XDH: variants seen among roughly 807,000 people sequenced by gnomAD.
XDH encodes xanthine dehydrogenase/oxidase.
A neutral mutation model predicts 156.1 loss-of-function variants in XDH; 138 were observed. The observed-to-expected ratio is 0.88, with a 90% CI of 0.77 to 1.02. XDH has a LOEUF of 1.02. XDH is among the 50% of genes least tolerant of loss of function. The probability of loss-of-function intolerance (pLI) is 0.00; values close to 1 mark genes in which losing one functional copy is unlikely to be tolerated. For synonymous variants in XDH, 669 were observed against 625.7 expected, an observed-to-expected ratio of 1.07 and a Z score of -1.03; for missense variants, 1,849 against 1,684.9, an observed-to-expected ratio of 1.10 and a Z score of -1.71.
intron 18 of XDH, among the ~76,000 whole-genome samples, chr2:31,369,154 C>T (rs913413114): frequency 1.3e-5 from 2 of 152,046 alleles, no homozygotes; most frequent in Non-Finnish European, 2.9e-5. Context: ...CAGATTTATA[C>T]CAAAAGCTTC....
chr2:31,347,494 G>A, intron 29 of XDH, 28 bp downstream of exon 29: 5 of 1,612,842 alleles, frequency 3.1e-6, no homozygotes, highest in Non-Finnish European at 3.4e-6. Context: ...CTGGCCCTCT[G>A]CTCTGCGGGA....
chr2:31,350,467 C>T (rs1264491348), intron 24 of XDH, among the ~76,000 whole-genome samples: 2 of 150,028 alleles, frequency 1.3e-5, no homozygotes, highest in Non-Finnish European at 2.9e-5. Flanking sequence ...AACTCCTACT[C>T]CCTGGTTCAA....
intron 6 of XDH, among the ~76,000 whole-genome samples, chr2:31,394,537 G>C (rs1414716507): frequency 6.6e-6 from 1 of 152,082 alleles, no homozygotes; most frequent in African/African-American, 2.4e-5. Flanking sequence ...ATCCTGGTTT[G>C]TGTTCTCTGA....
intron 6 of XDH, among the ~76,000 whole-genome samples, chr2:31,394,367 T>C (rs1686848308): frequency 6.6e-6 from 1 of 152,196 alleles, no homozygotes; most frequent in African/African-American, 2.4e-5. Flanking sequence ...TTGCATGGTT[T>C]CTGGGAAAAG....
rs200792862 is a variant in XDH at position 31,401,258 on chromosome 2, C to T, written c.268G>A (p.Gly90Arg). 1 of 1,614,180 alleles carries T rather than the reference C, an allele frequency of 6.2e-7. No individual in the cohort carries two copies. The change falls in exon 4 of 36, where the codon GGA becomes AGA. Residue 90 changes from glycine (G) to arginine (R), a missense_variant. Coordinates refer to ENST00000379416, the MANE Select transcript of XDH (RefSeq NM_000379.4). ...LHHVAVTTVE[G>R]IGSTKTRLHP... Reference sequence around the variant, plus strand: ...AGCCTCGTCTTGGTGCTTCCTATTCCTTCCACAGTTGTCACTGCAACATGG... The same window carrying T: ...AGCCTCGTCTTGGTGCTTCCTATTCTTTCCACAGTTGTCACTGCAACATGG...
chr2:31,365,352 G>A (rs11899710), intron 23 of XDH, 105 bp downstream of exon 23: 14,608 of 1,215,636 alleles, frequency 0.012, 170 homozygotes, highest in Middle Eastern at 0.039. Context: ...AACTTCTACA[G>A]ATAGGCAAAA....
chr2:31,366,176 A>G, intron 21 of XDH, 67 bp from the exon 22 acceptor site: 1 of 1,613,608 alleles, frequency 6.2e-7, no homozygotes. Flanking sequence ...CCTAAGGCAG[A>G]GCCTGTCCAA....
chr2:31,348,491 A>G (rs1685364360), intron 27 of XDH, 128 bp from the exon 28 acceptor site: 7 of 817,094 alleles, frequency 8.6e-6, no homozygotes, highest in Admixed American at 2.0e-5. Context: ...TCAGACAAAA[A>G]TTATGGCAGT....
At chr2:31,388,164 T>C in intron 7 of XDH, 63 bp downstream of exon 7, 3 of 1,574,656 alleles carry the variant, frequency 1.9e-6, no homozygotes, top group Middle Eastern at 1.7e-4. Flanking sequence ...ATGGAGCTCG[T>C]GCACTGACTC....
Position 31,413,710 on chromosome 2 carries a change from G to T in XDH, c.42+915C>A, listed in dbSNP as rs115366719. ...TTGCCCTTCTTTGGGGGACACTTTG[G>T]GCACATTCATCACGCACAGTCCACA... On this transcript the variant is annotated intron_variant, in intron 1 of 35. Transcript: ENST00000379416. Among the ~76,000 whole-genome samples the T allele has an allele frequency of 6.9e-3, 1,055 of 152,206 alleles. 11 individuals carry two copies. Among genetic ancestry groups the T allele is most frequent in the African/African-American group, 0.024 (1,016 of 41,512 alleles).
chr2:31,349,966 A>G (rs1186614655), intron 25 of XDH, 66 bp downstream of exon 25: 2 of 1,611,918 alleles, frequency 1.2e-6, no homozygotes, highest in Non-Finnish European at 1.7e-6. Flanking sequence ...TGCCCAAGAT[A>G]CAAAGCCGCT....
intron 10 of XDH, 42 bp downstream of exon 10, chr2:31,383,713 C>G: frequency 1.3e-6 from 2 of 1,588,806 alleles, no homozygotes; most frequent in Non-Finnish European, 1.7e-6. Context: ...CTATCCCCAG[C>G]CTCACAGCCC....
At chr2:31,364,099 G>A in intron 24 of XDH, 59 bp downstream of exon 24, 2 of 1,565,192 alleles carry the variant, frequency 1.3e-6, no homozygotes, top group Non-Finnish European at 8.8e-7. Flanking sequence ...TGCCTGCGTG[G>A]GAACAGGCTG....
rs761118606 is a variant in XDH, at chr2:31,347,521, C to A, written c.3276+1G>T. On this transcript the variant is annotated splice_donor_variant, in intron 29 of 35. Coordinates refer to ENST00000379416, the MANE Select transcript of XDH (RefSeq NM_000379.4). LOFTEE classifies it high-confidence loss of function. Reference sequence around the variant, plus strand: ...TCTGCGGGATCCCATGGGCTCCTTACATAGACGGCCTGTCCATTGAGGTCA... The same window carrying A: ...TCTGCGGGATCCCATGGGCTCCTTAAATAGACGGCCTGTCCATTGAGGTCA... The A allele has an allele frequency of 6.2e-7, 1 of 1,613,668 alleles. No individual in the cohort carries two copies. Among genetic ancestry groups the A allele is most frequent in the Admixed American group, 1.7e-5 (1 of 59,998 alleles).
At chr2:31,412,020 A>T (rs144733927) in intron 1 of XDH, among the ~76,000 whole-genome samples, 3 of 152,136 alleles carry the variant, frequency 2.0e-5, no homozygotes, top group African/African-American at 7.2e-5. Flanking sequence ...GCTGACACTC[A>T]CTTCTTGTGG....
chr2:31,407,912 C>T (rs940281819), intron 1 of XDH, among the ~76,000 whole-genome samples: 25 of 152,132 alleles, frequency 1.6e-4, no homozygotes, highest in African/African-American at 5.8e-4. Context: ...TAGAAGTAAT[C>T]ATAAATGCAC....
At chr2:31,395,131 G>C (rs1024471026) in intron 6 of XDH, among the ~76,000 whole-genome samples, 1 of 151,456 alleles carries the variant, frequency 6.6e-6, no homozygotes, top group Admixed American at 6.6e-5. Context: ...TGGCTGAAAA[G>C]ACCTCATATA....
chr2:31,409,181 AG>A (rs770237950), intron 1 of XDH, among the ~76,000 whole-genome samples: 20 of 152,184 alleles, frequency 1.3e-4, no homozygotes, highest in Non-Finnish European at 2.4e-4. Context: ...GATGGCTAAT[AG>A]GTACAAAAAA....
At chr2:31,386,390 C>T in intron 9 of XDH, 24 bp downstream of exon 9, 1 of 1,610,332 alleles carries the variant, frequency 6.2e-7, no homozygotes, top group Admixed American at 1.7e-5. Flanking sequence ...CTGGCAGCCC[C>T]AGGGCAGCCT....
Sources: allele counts gnomAD v4.1 joint callset (sites outside exome capture counted in the v4.1 genomes callset), GRCh38; gene constraint gnomAD v4.1.1; transcripts MANE v1.5; gene names NCBI Gene and HGNC (gene_info 2026-07-23, HGNC 2026-07-21).